Variants in EPS8L1 observed in about 807,000 individuals in gnomAD.
EPS8L1 encodes the protein EPS8 signaling adaptor L1.
In EPS8L1, 101 loss-of-function variants were observed where a neutral mutation model predicts 91.7. The ratio of observed to expected loss-of-function variants is 1.10; its 90% CI spans 0.94 to 1.30. The LOEUF (loss-of-function observed/expected upper bound fraction) is 1.30, where lower values mean the gene tolerates loss of function less well. EPS8L1 is among the 50% of genes most tolerant of loss of function. The pLI, the probability that EPS8L1 is intolerant of heterozygous loss-of-function variation, is 0.00. For missense variants in EPS8L1, 1,114 were observed against 1,017.0 expected (o/e 1.10, Z -1.30); for synonymous variants, 506 against 445.3 (o/e 1.14, Z -1.72).
rs768541328 is a variant in EPS8L1 at position 55,087,347 on chromosome 19, C to T, written c.1997C>T (p.Ser666Leu). 1.2e-5 allele frequency: 19 copies of T among 1,612,560 alleles called. No homozygotes were observed. The East Asian group carries it at 2.7e-4, about 23-fold the overall frequency. ...LGVLTGAQLF[S>L]LQKEELRAVS... The stretch of plus-strand genomic sequence containing the variant: ...GTGCTGACCGGGGCGCAGCTTTTCT[C>T]GCTGCAGAAGGAGGAGCTGCGGGCG... Residue 666 changes from serine to leucine, a missense_variant, in exon 19 of 20, where the codon TCG becomes TTG. Ser to Leu is a moderately radical substitution (Grantham distance 145). Transcript: ENST00000201647.
At position 55,083,239 on chromosome 19, in the gene EPS8L1, A is replaced by C. The variant is rs2076308413; in HGVS notation, c.1215-139A>C. The stretch of plus-strand genomic sequence containing the variant: ...TTGAGTTGGGCTTAGAGCTACCGGC[A>C]GGACTTGGTGAAAAGTGGCGGGGCT... On this transcript the variant is annotated intron_variant, in intron 12 of 19. Coordinates refer to ENST00000201647, the MANE Select transcript of EPS8L1 (RefSeq NM_133180.3). This position sits in a 1 kb window ranked among gnomAD's most constrained non-coding sequence, Gnocchi z 4.7. The C allele has an allele frequency of 8.5e-7, 1 of 1,170,930 alleles. No homozygotes were observed. The highest frequency in any genetic ancestry group is 1.2e-6 in the Non-Finnish European group (1 of 825,300). 72.5% of individuals were successfully genotyped at this position (1,170,930 alleles called of 1,614,324 possible). A position where few individuals can be genotyped will look rare whatever the true frequency, so the allele number is the denominator to read the frequency against.
rs773696186 is a variant in EPS8L1 at position 55,081,533 on chromosome 19, A to G, written c.774+41A>G. 3.3e-6 allele frequency: 5 copies of G among 1,506,240 alleles called. No homozygotes were observed. The African/African-American group carries it at 4.3e-5, about 13-fold the overall frequency. 93.3% of individuals were successfully genotyped at this position (1,506,240 alleles called of 1,614,324 possible). Reference sequence around the variant, plus strand: ...AGGGGTCTGGGGGCAGGGCCAGGCGACTGGAGGCGGGGCTAGGGCGTGGAA... The same window carrying G: ...AGGGGTCTGGGGGCAGGGCCAGGCGGCTGGAGGCGGGGCTAGGGCGTGGAA... On this transcript the variant is annotated intron_variant, in intron 8 of 19. Transcript: ENST00000201647. The surrounding 1 kb of genome is among the most constrained non-coding windows in gnomAD (Gnocchi z 4.9).
chr19:55,085,067 G>A (rs914362118), intron 14 of EPS8L1, among the ~76,000 whole-genome samples: 19 of 152,152 alleles, frequency 1.2e-4, no homozygotes, highest in Non-Finnish European at 2.8e-4. Flanking sequence ...GGGGGAGAGA[G>A]GGGAGTCCAA....
chr19:55,078,044 G>T (rs770099271), intron 2 of EPS8L1, 44 bp from the exon 3 acceptor site: 17 of 1,606,466 alleles, frequency 1.1e-5, no homozygotes, highest in Non-Finnish European at 1.4e-5. Flanking sequence ...CACAGGATCT[G>T]CCCCCAGTCC....
At chr19:55,084,622 C>T (rs549420446) in intron 14 of EPS8L1, 1 of 152,124 alleles carries the variant, frequency 6.6e-6, no homozygotes, top group Non-Finnish European at 1.5e-5. Flanking sequence ...GCCCTGAAGA[C>T]CCCCCCTCTC....
rs185496272 is a variant in EPS8L1, at chr19:55,077,028, C to T, written c.17+567C>T. ...AGAGGTAATCAAATTGTGGTGACAT[C>T]AGACTGGCAGGAGCAGGATGAGGAA... On this transcript the variant is annotated intron_variant, in intron 2 of 19. Coordinates refer to ENST00000201647, the MANE Select transcript of EPS8L1 (RefSeq NM_133180.3). Among the ~76,000 whole-genome samples, 341 of 152,292 alleles carry T rather than the reference C, an allele frequency of 2.2e-3. 3 individuals are homozygous for T. The highest frequency in any genetic ancestry group is 7.9e-3 in the African/African-American group (328 of 41,548).
chr19:55,083,330 G>A lies in EPS8L1; in HGVS notation c.1215-48G>A, dbSNP rs763795708. 1.9e-6 allele frequency: 3 copies of A among 1,589,326 alleles called. No individual in the cohort carries two copies. The highest frequency in any genetic ancestry group is 3.5e-5 in the Admixed American group (2 of 56,594). On this transcript the variant is annotated intron_variant, in intron 12 of 19. Transcript: ENST00000201647. This position sits in a 1 kb window ranked among gnomAD's most constrained non-coding sequence, Gnocchi z 4.7. ...TGAAGTTAATGCAGGAACGAAGTTG[G>A]GGGCTGTATCAGGATCCCTGAGCTC... is the stretch of plus-strand genomic sequence containing the variant.
rs537993765 is a variant in EPS8L1 at position 55,081,670 on chromosome 19, G to A, written c.775-103G>A. ...TGGGGCGTGGCCAGGTGTTTGGGGC[G>A]TGGCCTGATCTGGGGAAGTGTATAG... On this transcript the variant is annotated intron_variant, in intron 8 of 19. Transcript: ENST00000201647. The surrounding 1 kb of genome is among the most constrained non-coding windows in gnomAD (Gnocchi z 4.9). The A allele has an allele frequency of 6.0e-6, 9 of 1,497,112 alleles. No homozygotes were observed. In the African/African-American group the frequency reaches 1.1e-4, roughly 19 times the overall value. The allele number at this position is 1,497,112 out of a possible 1,614,324, so 92.7% of individuals were successfully genotyped here. A position where few individuals can be genotyped will look rare whatever the true frequency, so the allele number is the denominator to read the frequency against.
chr19:55,083,827 G>A lies in EPS8L1; in HGVS notation c.1385+183G>A, dbSNP rs755297666. On this transcript the variant is annotated intron_variant, in intron 14 of 19. Coordinates refer to ENST00000201647, the MANE Select transcript of EPS8L1 (RefSeq NM_133180.3). This position sits in a 1 kb window ranked among gnomAD's most constrained non-coding sequence, Gnocchi z 4.7. ...GAGAGAGGGAGGAGCAGGGTGGGAG[G>A]GGGCGGGACCCAGACTTCTGGGGCT... 1 of 732,016 alleles carries A rather than the reference G, an allele frequency of 1.4e-6. No homozygotes were observed. Among genetic ancestry groups the A allele is most frequent in the Middle Eastern group, 3.2e-4 (1 of 3,140 alleles). 45.3% of individuals were successfully genotyped at this position (732,016 alleles called of 1,614,324 possible). A position where few individuals can be genotyped will look rare whatever the true frequency, so the allele number is the denominator to read the frequency against.
At chr19:55,087,116 G>A in intron 18 of EPS8L1, 187 bp from the exon 19 acceptor site, 3 of 1,105,234 alleles carry the variant, frequency 2.7e-6, no homozygotes, top group Non-Finnish European at 3.7e-6. Context: ...TTTGAAAGCA[G>A]GATGCGGCCA....
chr19:55,083,281 A>G lies in EPS8L1; in HGVS notation c.1215-97A>G, dbSNP rs2076309162. The stretch of plus-strand genomic sequence containing the variant: ...GGCGGGGCTAGAATCGTTGGAATAC[A>G]GCGAGCTTTAGGGGAAAACTTAGTG... On this transcript the variant is annotated intron_variant, in intron 12 of 19. Transcript: ENST00000201647. The surrounding 1 kb of genome is among the most constrained non-coding windows in gnomAD (Gnocchi z 4.7). 6.7e-7 allele frequency: 1 copy of G among 1,492,464 alleles called. No individual in the cohort carries two copies. Among genetic ancestry groups the G allele is most frequent in the African/African-American group, 1.4e-5 (1 of 71,770 alleles). The allele number at this position is 1,492,464 out of a possible 1,614,324, so 92.5% of individuals were successfully genotyped here. A position where few individuals can be genotyped will look rare whatever the true frequency, so the allele number is the denominator to read the frequency against.
At chr19:55,080,057 C>A (rs2076220577) in intron 5 of EPS8L1, 72 bp from the exon 6 acceptor site, 2 of 1,455,446 alleles carry the variant, frequency 1.4e-6, no homozygotes, top group Admixed American at 5.3e-5. Flanking sequence ...ACCTGCTGGC[C>A]CACACTCCCG....
chr19:55,085,965 G>GT lies in EPS8L1; in HGVS notation c.1511dup (p.Leu505ThrfsTer6). 1.2e-6 allele frequency: 2 copies of GT among 1,612,804 alleles called. No homozygotes were observed. Among genetic ancestry groups the GT allele is most frequent in the Admixed American group, 3.3e-5 (2 of 59,992 alleles). ...TGAGCTGTCGGTCAAGCAGCGGGAC[G>GT]TACTGGAGGTTAGAGGAGCGGGAGG... On this transcript the variant is annotated frameshift_variant, in exon 15 of 20. Coordinates refer to ENST00000201647, the MANE Select transcript of EPS8L1 (RefSeq NM_133180.3). LOFTEE classifies it high-confidence loss of function.
chr19:55,083,328 T>TG lies in EPS8L1; in HGVS notation c.1215-45dup. On this transcript the variant is annotated intron_variant, in intron 12 of 19. Coordinates refer to ENST00000201647, the MANE Select transcript of EPS8L1 (RefSeq NM_133180.3). The surrounding 1 kb of genome is among the most constrained non-coding windows in gnomAD (Gnocchi z 4.7). ...AGTGAAGTTAATGCAGGAACGAAGT[T>TG]GGGGGCTGTATCAGGATCCCTGAGC... 6.3e-7 allele frequency: 1 copy of TG among 1,589,482 alleles called. No individual in the cohort carries two copies. The highest frequency in any genetic ancestry group is 8.6e-7 in the Non-Finnish European group (1 of 1,165,542).
At chr19:55,087,031 C>A in intron 18 of EPS8L1, 143 bp downstream of exon 18, 1 of 1,175,544 alleles carries the variant, frequency 8.5e-7, no homozygotes. Context: ...TGTCTGGTAG[C>A]AACACCCAAT....
Position 55,083,540 on chromosome 19 carries a change from G to A in EPS8L1, c.1356+21G>A. The A allele has an allele frequency of 1.9e-6, 3 of 1,605,896 alleles. No homozygotes were observed. The highest frequency in any genetic ancestry group is 2.5e-6 in the Non-Finnish European group (3 of 1,176,510). Reference sequence around the variant, plus strand: ...GGCAGGTGACCCAAGCGACACAGCAGGGCCGAGGCTGGGAAGTCCGGGGGC... The same window carrying A: ...GGCAGGTGACCCAAGCGACACAGCAAGGCCGAGGCTGGGAAGTCCGGGGGC... On this transcript the variant is annotated intron_variant, in intron 13 of 19. Transcript: ENST00000201647. This position sits in a 1 kb window ranked among gnomAD's most constrained non-coding sequence, Gnocchi z 4.7.
Position 55,083,448 on chromosome 19 carries a change from A to G in EPS8L1, c.1285A>G (p.Thr429Ala), listed in dbSNP as rs1379759914. The G allele has an allele frequency of 2.5e-6, 4 of 1,612,590 alleles. No homozygotes were observed. Among genetic ancestry groups the G allele is most frequent in the Non-Finnish European group, 2.5e-6 (3 of 1,179,848 alleles). The part of the protein sequence containing the change: ...EFFSGWEPPV[T>A]DPQSRAWEDP... ...CTTCAGCGGCTGGGAGCCGCCGGTC[A>G]CTGACCCGCAGAGCCGCGCCTGGGA... Residue 429 changes from threonine (T) to alanine (A), a missense_variant, in exon 13 of 20, where the codon ACT becomes GCT. By Grantham distance (58) the Thr-to-Ala change is moderately conservative (BLOSUM62 0). Transcript: ENST00000201647. This position sits in a 1 kb window ranked among gnomAD's most constrained non-coding sequence, Gnocchi z 4.7.
Position 55,079,541 on chromosome 19 carries a change from G to T in EPS8L1, c.118-149G>T, listed in dbSNP as rs1016412645. ...AAAGGGAAACAAAGGGCACTGGGAG[G>T]AGGAGCTGATTTGTGGAACAGGTGA... On this transcript the variant is annotated intron_variant, in intron 4 of 19. Coordinates refer to ENST00000201647, the MANE Select transcript of EPS8L1 (RefSeq NM_133180.3). 18 of 891,414 alleles carry T rather than the reference G, an allele frequency of 2.0e-5. No individual in the cohort carries two copies. In the African/African-American group the frequency reaches 2.9e-4, roughly 14 times the overall value. 55.2% of individuals were successfully genotyped at this position (891,414 alleles called of 1,614,324 possible).
At chr19:55,085,229 G>A (rs2076342213) in intron 14 of EPS8L1, among the ~76,000 whole-genome samples, 1 of 152,192 alleles carries the variant, frequency 6.6e-6, no homozygotes, top group Non-Finnish European at 1.5e-5. Context: ...GCAGTGGTGA[G>A]ATCTCAGCTC....
Sources: gnomAD v4.1 joint callset for allele counts (sites outside exome capture counted in the v4.1 genomes callset) on GRCh38, gnomAD v4.1.1 for gene constraint, Gnocchi (gnomAD v3.1) non-coding constraint, MANE v1.5 for transcripts, NCBI Gene and HGNC (gene_info 2026-07-23, HGNC 2026-07-21) for gene names.